SLC25A13: variants seen among roughly 807,000 people sequenced by gnomAD.
SLC25A13 encodes solute carrier family 25 member 13, also known as electrogenic aspartate/glutamate antiporter SLC25A13, mitochondrial.
A neutral mutation model predicts 85.5 loss-of-function variants in SLC25A13; 70 were observed. The ratio of observed to expected loss-of-function variants is 0.82; its 90% CI spans 0.68 to 1.00. SLC25A13 has a LOEUF of 1.00. SLC25A13 is among the 50% of genes least tolerant of loss of function. SLC25A13 has a pLI of 0.00. For synonymous variants in SLC25A13, 259 were observed against 288.7 expected (o/e 0.90, Z 1.04); for missense variants, 765 against 819.8 (o/e 0.93, Z 0.82).
At chr7:96,294,487 T>C (rs1437656511) in intron 2 of SLC25A13, among the ~76,000 whole-genome samples, 1 of 151,680 alleles carries the variant, frequency 6.6e-6, no homozygotes, top group Non-Finnish European at 1.5e-5. Flanking sequence ...TACATGCCTA[T>C]AATCCCAGCT....
rs560006637 is a variant in SLC25A13 at position 96,190,259 on chromosome 7, A to G, written c.755-585T>C. 5.3e-5 allele frequency among the ~76,000 whole-genome samples: 8 copies of G among 151,498 alleles called. No homozygotes were observed. The East Asian group carries it at 1.4e-3, about 26-fold the overall frequency. On this transcript the variant is annotated intron_variant, in intron 7 of 17. Transcript: ENST00000265631. ...GCCACCATGCCCTGCTAATTTTTTT[A>G]TATATACATTTTTAGTAGAGACGGG... is the stretch of plus-strand genomic sequence containing the variant.
At position 96,121,220 on chromosome 7, in the gene SLC25A13, T is replaced by C. The variant is rs1403367487; in HGVS notation, c.1999A>G (p.Thr667Ala). The change falls in exon 18 of 18, where the codon ACC (threonine) becomes GCC (alanine). Residue 667 changes from threonine to alanine, a missense_variant. Physicochemically the swap from Thr to Ala is moderately conservative, Grantham distance 58 (BLOSUM62 0). Transcript: ENST00000265631. ...GGGCCTCCACCAATAGCCTTTGAGG[T>C]AGATACTGATGGCTTGAAGAGAGGT... ...YLPLFKPSVS[T>A]SKAIGGGP The C allele has an allele frequency of 6.2e-7, 1 of 1,614,092 alleles. No homozygotes were observed.
chr7:96,321,855 C>A, intron 1 of SLC25A13, 87 bp downstream of exon 1: 1 of 1,436,798 alleles, frequency 7.0e-7, no homozygotes, highest in Non-Finnish European at 9.2e-7. Context: ...CCTGTGGCAC[C>A]AACCCAGACA....
At chr7:96,133,189 G>C (rs942645888) in intron 14 of SLC25A13, among the ~76,000 whole-genome samples, 4 of 152,174 alleles carry the variant, frequency 2.6e-5, no homozygotes, top group Non-Finnish European at 5.9e-5. Context: ...CTTACCCATG[G>C]ATGTGTAAGC....
chr7:96,157,281 C>G (rs891947967), intron 13 of SLC25A13, among the ~76,000 whole-genome samples: 2 of 151,606 alleles, frequency 1.3e-5, no homozygotes, highest in Admixed American at 6.6e-5. Flanking sequence ...TAGGTTTTTT[C>G]TTCTAATACC....
At chr7:96,303,996 A>G (rs1158954817) in intron 1 of SLC25A13, among the ~76,000 whole-genome samples, 1 of 152,118 alleles carries the variant, frequency 6.6e-6, no homozygotes, top group Admixed American at 6.6e-5. Flanking sequence ...GACTGATACA[A>G]TCAGTAATTG....
chr7:96,281,770 A>T (rs1342346719), intron 2 of SLC25A13, among the ~76,000 whole-genome samples: 1 of 152,226 alleles, frequency 6.6e-6, no homozygotes, highest in Non-Finnish European at 1.5e-5. Context: ...GCAATAAAGA[A>T]ATCATTTCTT....
At chr7:96,305,886 G>A (rs531517591) in intron 1 of SLC25A13, among the ~76,000 whole-genome samples, 2 of 152,264 alleles carry the variant, frequency 1.3e-5, no homozygotes, top group African/African-American at 4.8e-5. Context: ...TCAAGAACCA[G>A]AAGGAAGCAA....
intron 14 of SLC25A13, among the ~76,000 whole-genome samples, chr7:96,141,011 T>C (rs1584363003): frequency 6.9e-6 from 1 of 144,568 alleles, no homozygotes; most frequent in African/African-American, 2.6e-5. Context: ...TTCCTTTCTT[T>C]TTTCTTTCTT....
intron 1 of SLC25A13, chr7:96,306,806 C>A (rs75910854): frequency 1.5e-6 from 2 of 1,372,054 alleles, no homozygotes; most frequent in Non-Finnish European, 2.1e-6. Flanking sequence ...ATCTCTACCC[C>A]CAGGGACTCA....
intron 3 of SLC25A13, among the ~76,000 whole-genome samples, chr7:96,239,211 A>G (rs1181302867): frequency 6.7e-6 from 1 of 149,816 alleles, no homozygotes; most frequent in Non-Finnish European, 1.5e-5. Context: ...TGAGTATTAT[A>G]CATCTATGCA....
At chr7:96,209,065 T>C (rs1795582896) in intron 4 of SLC25A13, 88 bp from the exon 5 acceptor site, 2 of 1,346,840 alleles carry the variant, frequency 1.5e-6, no homozygotes, top group South Asian at 2.5e-5. Flanking sequence ...TCGCTTTTTC[T>C]TATTAAAAAA....
chr7:96,143,953 A>T (rs1792670873), intron 14 of SLC25A13, among the ~76,000 whole-genome samples: 1 of 152,180 alleles, frequency 6.6e-6, no homozygotes, highest in Admixed American at 6.5e-5. Flanking sequence ...TTAAAGACCC[A>T]CCTGGAGGGA....
intron 3 of SLC25A13, among the ~76,000 whole-genome samples, chr7:96,258,438 A>T (rs1268807596): frequency 6.6e-6 from 1 of 152,234 alleles, no homozygotes; most frequent in Non-Finnish European, 1.5e-5. Context: ...ACAGAGAGCC[A>T]GATCATGAGC....
intron 4 of SLC25A13, among the ~76,000 whole-genome samples, chr7:96,211,619 T>G (rs1039299840): frequency 6.6e-6 from 1 of 152,204 alleles, no homozygotes; most frequent in African/African-American, 2.4e-5. Flanking sequence ...ATTCTACCAC[T>G]ATGGCTGGCA....
chr7:96,222,634 C>T (rs1462627411), intron 4 of SLC25A13, among the ~76,000 whole-genome samples: 4 of 151,950 alleles, frequency 2.6e-5, no homozygotes, highest in African/African-American at 9.7e-5. Context: ...TTAGTAGCGA[C>T]GGGGTTTCAC....
chr7:96,274,175 T>A (rs1396033338), intron 3 of SLC25A13, among the ~76,000 whole-genome samples: 4 of 152,038 alleles, frequency 2.6e-5, no homozygotes, highest in African/African-American at 9.7e-5. Flanking sequence ...CATCAAGGCC[T>A]TCATTTTACA....
At chr7:96,166,320 A>G (rs1400525517) in intron 13 of SLC25A13, among the ~76,000 whole-genome samples, 1 of 152,262 alleles carries the variant, frequency 6.6e-6, no homozygotes, top group African/African-American at 2.4e-5. Flanking sequence ...CTTTCCAAAA[A>G]TTACTACACA....
chr7:96,312,997 C>CT, intron 1 of SLC25A13, among the ~76,000 whole-genome samples: 1 of 152,202 alleles, frequency 6.6e-6, no homozygotes, highest in African/African-American at 2.4e-5. Flanking sequence ...TAACTAGAAA[C>CT]TTTATCAGGA....
Sources: allele counts gnomAD v4.1 joint callset (sites outside exome capture counted in the v4.1 genomes callset), GRCh38; gene constraint gnomAD v4.1.1; transcripts MANE v1.5; gene names NCBI Gene and HGNC (gene_info 2026-07-23, HGNC 2026-07-21).